The following PRPF19 variants were observed in gnomAD, a reference collection of about 807,000 sequenced individuals.
PRPF19 encodes pre-mRNA processing factor 19.
Under a neutral mutation model 64.2 loss-of-function variants are expected in PRPF19, and 2 were observed. The ratio of observed to expected loss-of-function variants is 0.03; its 90% confidence interval spans 0.01 to 0.10. The LOEUF (loss-of-function observed/expected upper bound fraction) is 0.10. PRPF19 is among the 10% of genes least tolerant of loss of function. The probability of loss-of-function intolerance (pLI) is 1.00; values close to 1 mark genes in which losing one functional copy is unlikely to be tolerated. For synonymous variants in PRPF19, 226 were observed against 251.6 expected, an observed-to-expected ratio of 0.90 and a Z score of 0.96; for missense variants, 314 against 650.0, an observed-to-expected ratio of 0.48 and a Z score of 5.62.
chr11:60,897,390 G>C (rs551309282), intron 15 of PRPF19, among the ~76,000 whole-genome samples: 1 of 152,188 alleles, frequency 6.6e-6, no homozygotes, highest in African/African-American at 2.4e-5. Context: ...TACAATGGTC[G>C]CACATGACGA....
At position 60,906,421 on chromosome 11, in the gene PRPF19, T is replaced by C. The variant is rs535710831; in HGVS notation, c.-39A>G. 2.6e-6 allele frequency: 4 copies of C among 1,543,314 alleles called. No individual in the cohort carries two copies. The East Asian group carries it at 9.7e-5, about 37-fold the overall frequency. On this transcript the variant is annotated 5_prime_UTR_variant, in exon 1 of 16. Transcript: ENST00000227524. ...TGCTCCGAGGCGCCACACGCCGGGC[T>C]CCGGGACTAGCTTCTGAGCCTCCGC...
rs1855998835 is a variant in PRPF19 at position 60,902,896 on chromosome 11, TATC to T, written c.247-18_247-16del. On this transcript the variant is annotated splice_polypyrimidine_tract_variant and intron_variant, in intron 3 of 15. Coordinates refer to ENST00000227524, the MANE Select transcript of PRPF19 (RefSeq NM_014502.5). The surrounding 1 kb of genome is among the most constrained non-coding windows in gnomAD (Gnocchi z 5.0). ...ATGACTGCATCCTGGGAGAAGCAAATATCATTGTAAGGTGAGGTGGGGGGTGCA... is the reference window on the plus strand; with the variant it reads ...ATGACTGCATCCTGGGAGAAGCAAATATTGTAAGGTGAGGTGGGGGGTGCA... The T allele has an allele frequency of 6.2e-7, 1 of 1,611,922 alleles. No individual in the cohort carries two copies. Among genetic ancestry groups the T allele is most frequent in the Non-Finnish European group, 8.5e-7 (1 of 1,179,810 alleles).
intron 8 of PRPF19, among the ~76,000 whole-genome samples, 157 bp from the exon 9 acceptor site, chr11:60,901,086 C>T (rs994611206): frequency 3.9e-4 from 59 of 152,260 alleles, no homozygotes; most frequent in African/African-American, 1.2e-3. Flanking sequence ...CTGCCTGGTA[C>T]GGTAACTCCC....
rs1228138647 is a variant in PRPF19, at chr11:60,891,080, C to CA, written c.*85dup. ...CCCACCCCACAGAGCCCCCTCCCCC[C>CA]ATAGATTCCCCCCACCCCCCCCCCC... On this transcript the variant is annotated 3_prime_UTR_variant, in exon 16 of 16. Coordinates refer to ENST00000227524, the MANE Select transcript of PRPF19 (RefSeq NM_014502.5). The CA allele has an allele frequency of 5.1e-4, 98 of 190,398 alleles. 2 individuals are homozygous for CA. In the African/African-American group the frequency reaches 5.3e-3, roughly 10 times the overall value. The allele number at this position is 190,398 out of a possible 1,614,324, so 11.8% of individuals were successfully genotyped here. A position where few individuals can be genotyped will look rare whatever the true frequency, so the allele number is the denominator to read the frequency against.
At chr11:60,904,043 C>G (rs941685514) in intron 1 of PRPF19, among the ~76,000 whole-genome samples, 182 bp from the exon 2 acceptor site, 1 of 152,146 alleles carries the variant, frequency 6.6e-6, no homozygotes, top group Non-Finnish European at 1.5e-5. Flanking sequence ...ATGGAACTAC[C>G]TTTTCCTTTA....
At chr11:60,906,294 C>G in intron 1 of PRPF19, 70 bp downstream of exon 1, 1 of 1,529,352 alleles carries the variant, frequency 6.5e-7, no homozygotes, top group Non-Finnish European at 8.8e-7. Context: ...GGCGCCGCAG[C>G]GGACCGCACA....
At chr11:60,893,540 C>T (rs1855887072) in intron 15 of PRPF19, among the ~76,000 whole-genome samples, 1 of 149,992 alleles carries the variant, frequency 6.7e-6, no homozygotes, top group South Asian at 2.1e-4. Context: ...AGGTACAGTA[C>T]GTTACTGGTT....
intron 1 of PRPF19, 23 bp from the exon 2 acceptor site, chr11:60,903,884 G>C: frequency 6.2e-7 from 1 of 1,602,572 alleles, no homozygotes. Flanking sequence ...GGCTGGTAGT[G>C]AGCTTGGAGT....
rs1238882037 is a variant in PRPF19, at chr11:60,898,722, T to A, written c.1055-96A>T. On this transcript the variant is annotated intron_variant, in intron 12 of 15. Coordinates refer to ENST00000227524, the MANE Select transcript of PRPF19 (RefSeq NM_014502.5). This position sits in a 1 kb window ranked among gnomAD's most constrained non-coding sequence, Gnocchi z 4.6. ...GTTCCTTGTTCTTCACATTCCTCAG[T>A]GAACCCAGCACAAAGCCCGCACTAG... 36 of 1,591,520 alleles carry A rather than the reference T, an allele frequency of 2.3e-5. No homozygotes were observed. Among genetic ancestry groups the A allele is most frequent in the Non-Finnish European group, 2.6e-6 (3 of 1,167,722 alleles).
Position 60,890,679 on chromosome 11 carries a change from TC to T in PRPF19, c.*486del. The T allele has an allele frequency of 2.2e-6, 1 of 453,130 alleles. No individual in the cohort carries two copies. The highest frequency in any genetic ancestry group is 4.4e-6 in the Non-Finnish European group (1 of 225,138). The allele number at this position is 453,130 out of a possible 1,614,324, so 28.1% of individuals were successfully genotyped here. ...AGTGTGTGCTCCCTCCCCTTGACCT[TC>T]CCAGTCCCAGGTGCTCCTGGTGCAG... On this transcript the variant is annotated 3_prime_UTR_variant, in exon 16 of 16. Coordinates refer to ENST00000227524, the MANE Select transcript of PRPF19 (RefSeq NM_014502.5).
At position 60,898,251 on chromosome 11, in the gene PRPF19, G is replaced by A; in HGVS notation, c.1161C>T (p.Asn387=). 1 of 1,613,944 alleles carries A rather than the reference G, an allele frequency of 6.2e-7. No individual in the cohort carries two copies. The highest frequency in any genetic ancestry group is 8.5e-7 in the Non-Finnish European group (1 of 1,180,032). Residue 387 remains asparagine (N), a synonymous_variant, in exon 14 of 16, where the codon AAC becomes AAT. Transcript: ENST00000227524. This position sits in a 1 kb window ranked among gnomAD's most constrained non-coding sequence, Gnocchi z 4.6. ...WDLKERTNVA[N]FPGHSGPITS... is the part of the protein sequence containing the mutation. ...TGATGGGGCCCGAGTGGCCAGGGAA[G>A]TTGGCCACATTAGTACGTTCCTACA...
chr11:60,906,385 C>A lies in PRPF19; in HGVS notation c.-3G>T. On this transcript the variant is annotated 5_prime_UTR_variant, in exon 1 of 16. Coordinates refer to ENST00000227524, the MANE Select transcript of PRPF19 (RefSeq NM_014502.5). The stretch of plus-strand genomic sequence containing the variant: ...TCACTGGAGCAGATTAGGGACATGG[C>A]GCCGTCACCGTGCTCCGAGGCGCCA... The A allele has an allele frequency of 1.3e-6, 2 of 1,592,304 alleles. No individual in the cohort carries two copies. The highest frequency in any genetic ancestry group is 1.7e-6 in the Non-Finnish European group (2 of 1,171,346).
chr11:60,906,547 A>T lies in PRPF19; in HGVS notation c.-165T>A. 1 of 697,080 alleles carries T rather than the reference A, an allele frequency of 1.4e-6. No individual in the cohort carries two copies. The highest frequency in any genetic ancestry group is 3.1e-5 in the East Asian group (1 of 32,502). The allele number at this position is 697,080 out of a possible 1,614,324, so 43.2% of individuals were successfully genotyped here. On this transcript the variant is annotated 5_prime_UTR_variant, in exon 1 of 16. Transcript: ENST00000227524. ...CGTAGCGCTTCACGTGGGAATGGGG[A>T]CAGCCGCGCGCCACAGCCTTCAGCA...
rs1412653789 is a variant in PRPF19 at position 60,903,532 on chromosome 11, G to C, written c.173C>G (p.Ala58Gly). Reference protein sequence around the residue: ...SEEQLIDIKVAHPIRPKPPSA... With the variant: ...SEEQLIDIKVGHPIRPKPPSA... ...GGGAGGCTTGGGCCGGATTGGGTGA[G>C]CAACTGCCGAAAGGGAAAGCAGGTA... The change falls in exon 3 of 16, where the codon GCT becomes GGT. Residue 58 changes from alanine to glycine, a missense_variant. Physicochemically the swap from Ala to Gly is moderately conservative, Grantham distance 60 (BLOSUM62 0). Around this residue, in one of 7 missense-constraint regions of PRPF19, gnomAD observed 66 missense variants for 88.4 expected, o/e 0.75. Coordinates refer to ENST00000227524, the MANE Select transcript of PRPF19 (RefSeq NM_014502.5). 2 of 1,614,026 alleles carry C rather than the reference G, an allele frequency of 1.2e-6. No individual in the cohort carries two copies. The highest frequency in any genetic ancestry group is 1.7e-6 in the Non-Finnish European group (2 of 1,179,964).
chr11:60,903,651 A>G, intron 2 of PRPF19, 61 bp downstream of exon 2: 1 of 1,575,350 alleles, frequency 6.3e-7, no homozygotes, highest in Non-Finnish European at 8.6e-7. Flanking sequence ...CACTGGCACC[A>G]CCTCCCATCC....
At chr11:60,903,607 A>G (rs1354235524) in intron 2 of PRPF19, 72 bp from the exon 3 acceptor site, 16 of 1,589,512 alleles carry the variant, frequency 1.0e-5, no homozygotes, top group Non-Finnish European at 1.4e-5. Flanking sequence ...TTTTCCTTTT[A>G]GCCATAAACA....
At chr11:60,905,373 C>G (rs1856034312) in intron 1 of PRPF19, 1 of 152,214 alleles carries the variant, frequency 6.6e-6, no homozygotes, top group South Asian at 2.1e-4. Context: ...ACTTTGCGAG[C>G]TGTAATTTCT....
At position 60,890,911 on chromosome 11, in the gene PRPF19, G is replaced by A; in HGVS notation, c.*255C>T. ...GAACGACAGGAAGGGAGAGGCCCTG[G>A]GCTCCGACCCTGGGCCTTAAGAGGG... On this transcript the variant is annotated 3_prime_UTR_variant, in exon 16 of 16. Coordinates refer to ENST00000227524, the MANE Select transcript of PRPF19 (RefSeq NM_014502.5). 1.7e-6 allele frequency: 1 copy of A among 587,542 alleles called. No individual in the cohort carries two copies. Among genetic ancestry groups the A allele is most frequent in the East Asian group, 3.9e-5 (1 of 25,356 alleles). 36.4% of individuals were successfully genotyped at this position (587,542 alleles called of 1,614,324 possible). A position where few individuals can be genotyped will look rare whatever the true frequency, so the allele number is the denominator to read the frequency against.
Position 60,898,191 on chromosome 11 carries a change from C to G in PRPF19, c.1221G>C (p.Leu407=), listed in dbSNP as rs1855942991. 6.2e-7 allele frequency: 1 copy of G among 1,614,052 alleles called. No homozygotes were observed. Among genetic ancestry groups the G allele is most frequent in the Admixed American group, 1.7e-5 (1 of 59,996 alleles). ...SIAFSENGYY[L]ATAADDSSVK... Reference sequence around the variant, plus strand: ...CAGAGGAGTCATCAGCCGCTGTAGCCAGGTAGTAACCATTCTCAGAGAAGG... The same window carrying G: ...CAGAGGAGTCATCAGCCGCTGTAGCGAGGTAGTAACCATTCTCAGAGAAGG... Residue 407 remains leucine (L), a synonymous_variant, in exon 14 of 16, where the codon CTG becomes CTC. Transcript: ENST00000227524. The surrounding 1 kb of genome is among the most constrained non-coding windows in gnomAD (Gnocchi z 4.6).
Sources: gnomAD v4.1 joint callset for allele counts (sites outside exome capture counted in the v4.1 genomes callset) on GRCh38, gnomAD v4.1.1 for gene constraint, gnomAD v4.1.1 regional missense constraint, Gnocchi (gnomAD v3.1) non-coding constraint, MANE v1.5 for transcripts, NCBI Gene and HGNC (gene_info 2026-07-23, HGNC 2026-07-21) for gene names.